The following FOXP1 variants were observed in gnomAD, a reference collection of about 807,000 sequenced individuals.
FOXP1 encodes the protein forkhead box protein P1.
Under a neutral mutation model 98.2 loss-of-function variants are expected in FOXP1, and 15 were observed. The ratio of observed to expected loss-of-function variants is 0.15; its 90% CI spans 0.10 to 0.24. The LOEUF (loss-of-function observed/expected upper bound fraction) is 0.24, where lower values mean the gene tolerates loss of function less well. FOXP1 is among the 10% of genes least tolerant of loss of function. FOXP1 has a pLI of 1.00. For synonymous variants in FOXP1, 371 were observed against 314.5 expected (o/e 1.18, Z -1.90); for missense variants, 633 against 848.5 (o/e 0.75, Z 3.15).
At chr3:71,444,748 T>C (rs1374470127) in intron 3 of FOXP1, among the ~76,000 whole-genome samples, 1 of 151,912 alleles carries the variant, frequency 6.6e-6, no homozygotes, top group Non-Finnish European at 1.5e-5. Flanking sequence ...CTCAGAGGAG[T>C]GCGGCTTCTT....
At chr3:71,008,486 G>C (rs1393866407) in intron 12 of FOXP1, among the ~76,000 whole-genome samples, 1 of 152,090 alleles carries the variant, frequency 6.6e-6, no homozygotes, top group Admixed American at 6.6e-5. Flanking sequence ...AAGCAATGCA[G>C]GGCTGGACGA....
chr3:71,003,801 G>A (rs563402236), intron 12 of FOXP1, among the ~76,000 whole-genome samples: 2 of 152,236 alleles, frequency 1.3e-5, no homozygotes, highest in Admixed American at 6.5e-5. Flanking sequence ...CTAGCAGGAT[G>A]TTTGAACTGA....
chr3:71,219,355 G>C (rs967150050), intron 5 of FOXP1, among the ~76,000 whole-genome samples: 1 of 152,130 alleles, frequency 6.6e-6, no homozygotes, highest in Non-Finnish European at 1.5e-5. Flanking sequence ...GGCCACATGT[G>C]GCTACTGAGC....
intron 2 of FOXP1, among the ~76,000 whole-genome samples, chr3:71,495,177 T>C (rs1423761895): frequency 6.6e-6 from 1 of 152,190 alleles, no homozygotes; most frequent in Non-Finnish European, 1.5e-5. Context: ...ACTTGCTATC[T>C]CAGCTTCCCA....
chr3:71,051,145 T>TA (rs1242828281), intron 9 of FOXP1, among the ~76,000 whole-genome samples: 3 of 152,206 alleles, frequency 2.0e-5, no homozygotes, highest in Non-Finnish European at 4.4e-5. Flanking sequence ...ATCTCACAAT[T>TA]ACATGCCTTC....
intron 6 of FOXP1, among the ~76,000 whole-genome samples, chr3:71,128,559 T>C (rs1431454995): frequency 6.6e-6 from 1 of 152,210 alleles, no homozygotes; most frequent in Non-Finnish European, 1.5e-5. Context: ...CGTTGTACCC[T>C]AGCCACAGAC....
chr3:71,562,596 G>C (rs1327361206), intron 2 of FOXP1, among the ~76,000 whole-genome samples: 5 of 152,154 alleles, frequency 3.3e-5, no homozygotes, highest in Non-Finnish European at 7.3e-5. Context: ...TGGGCATCAT[G>C]TGAATTATCC....
chr3:71,012,957 T>C (rs1235217287), intron 12 of FOXP1, among the ~76,000 whole-genome samples: 1 of 152,182 alleles, frequency 6.6e-6, no homozygotes, highest in Non-Finnish European at 1.5e-5. Flanking sequence ...TAACATTATA[T>C]TCAATTCATA....
chr3:71,541,967 G>A, intron 2 of FOXP1: 1 of 533,118 alleles, frequency 1.9e-6, no homozygotes, highest in Non-Finnish European at 3.9e-6. Flanking sequence ...CGCCGCGCGA[G>A]ACAGATTTTC....
At chr3:71,396,721 A>ACGGAGCTTGCAGTGAGCT (rs200630527) in intron 3 of FOXP1, among the ~76,000 whole-genome samples, 4 of 150,822 alleles carry the variant, frequency 2.7e-5, no homozygotes, top group African/African-American at 4.9e-5. Context: ...TTAAGAAGAC[A>ACGGAGCTTGCAGTGAGCT]GCAACAGCAG....
At chr3:71,421,545 C>T (rs896689757) in intron 3 of FOXP1, among the ~76,000 whole-genome samples, 2 of 152,028 alleles carry the variant, frequency 1.3e-5, no homozygotes, top group African/African-American at 4.8e-5. Context: ...AGGGCCATCT[C>T]CCCAGCGTAG....
intron 11 of FOXP1, among the ~76,000 whole-genome samples, chr3:71,016,690 CAT>C (rs1491133149): frequency 6.7e-6 from 1 of 149,870 alleles, no homozygotes; most frequent in Non-Finnish European, 1.5e-5. Flanking sequence ...CACACACACA[CAT>C]GCATACACAC....
chr3:71,169,954 T>C (rs560538421), intron 6 of FOXP1, among the ~76,000 whole-genome samples: 67 of 152,268 alleles, frequency 4.4e-4, no homozygotes, highest in Non-Finnish European at 8.2e-4. Context: ...AAATTTAAGT[T>C]TCATGCCAAT....
rs139343936 is a variant in FOXP1, at chr3:71,239,072, C to G, written c.-11-40680G>C. On this transcript the variant is annotated intron_variant, in intron 5 of 20. Coordinates refer to ENST00000649528, the MANE Select transcript of FOXP1 (RefSeq NM_001349338.3). ...ATTCCTTGCCTTCAGAGAGCTTATG[C>G]TCTCTGTTTTCCCACCTTCCTAAAA... Among the ~76,000 whole-genome samples, 6 of 152,296 alleles carry G rather than the reference C, an allele frequency of 3.9e-5. No individual in the cohort carries two copies. The East Asian group carries it at 9.6e-4, about 24-fold the overall frequency.
intron 2 of FOXP1, among the ~76,000 whole-genome samples, chr3:71,547,335 T>G (rs562275233): frequency 6.6e-6 from 1 of 152,240 alleles, no homozygotes; most frequent in African/African-American, 2.4e-5. Context: ...ACAGCAGGTT[T>G]GTGGAAACCC....
intron 5 of FOXP1, among the ~76,000 whole-genome samples, chr3:71,203,938 GAGGAAGGA>G (rs3033228): frequency 0.21 from 27,697 of 131,310 alleles, 3,174 homozygotes; most frequent in East Asian, 0.34. Flanking sequence ...GAAAAGGAAG[GAGGAAGGA>G]AGGAAGGAAG....
intron 4 of FOXP1, among the ~76,000 whole-genome samples, chr3:71,346,774 A>G (rs1379425246): frequency 6.6e-6 from 1 of 152,090 alleles, no homozygotes. Flanking sequence ...CATATTATTT[A>G]GGCAACTAAA....
chr3:71,172,864 G>A (rs1034700694), intron 6 of FOXP1, among the ~76,000 whole-genome samples: 5 of 152,086 alleles, frequency 3.3e-5, no homozygotes, highest in Admixed American at 6.6e-5. Flanking sequence ...TTACTGAAGC[G>A]CCAATTGTCT....
In FOXP1 at chr3:71,272,957, G is replaced by A. The variant is rs184501358; in HGVS notation, c.-12+26863C>T. Among the ~76,000 whole-genome samples, 3 of 152,294 alleles carry A rather than the reference G, an allele frequency of 2.0e-5. No homozygotes were observed. The East Asian group carries it at 5.8e-4, about 29-fold the overall frequency. ...TGGAAGGTGCAGCATCTGGAGAAGGGAAATTGCTCTCTCCCTCCCCCAGTA... is the reference window on the plus strand; with the variant it reads ...TGGAAGGTGCAGCATCTGGAGAAGGAAAATTGCTCTCTCCCTCCCCCAGTA... On this transcript the variant is annotated intron_variant, in intron 5 of 20. Transcript: ENST00000649528.
Sources: gnomAD v4.1 joint callset for allele counts (sites outside exome capture counted in the v4.1 genomes callset) on GRCh38, gnomAD v4.1.1 for gene constraint, MANE v1.5 for transcripts, NCBI Gene and HGNC (gene_info 2026-07-23, HGNC 2026-07-21) for gene names.